PUS7: variants seen among roughly 807,000 people sequenced by gnomAD.
PUS7 encodes pseudouridine synthase 7.
Under a neutral mutation model 79.8 loss-of-function variants are expected in PUS7, and 48 were observed. The observed-to-expected ratio is 0.60, with a 90% CI of 0.48 to 0.76. The LOEUF (loss-of-function observed/expected upper bound fraction) is 0.76, where lower values mean the gene tolerates loss of function less well. Among genes scored for constraint, PUS7 ranks in the 30% least tolerant of loss-of-function variants. The probability of loss-of-function intolerance (pLI) is 0.00; values close to 1 mark genes in which losing one functional copy is unlikely to be tolerated. For synonymous variants in PUS7, 286 were observed against 272.2 expected (o/e 1.05, Z -0.50); for missense variants, 729 against 797.6 (o/e 0.91, Z 1.04).
chr7:105,459,095 C>CAA, intron 15 of PUS7, 73 bp downstream of exon 15: 1 of 972,664 alleles, frequency 1.0e-6, no homozygotes, highest in Non-Finnish European at 1.5e-6. Flanking sequence ...GAGCAGTTTT[C>CAA]AAAAAAAAAT....
intron 1 of PUS7, among the ~76,000 whole-genome samples, chr7:105,508,871 TAAAAAAAAAAAA>T (rs34249093): frequency 3.5e-4 from 8 of 22,888 alleles, no homozygotes; most frequent in Admixed American, 8.1e-4. Context: ...GACATTGTCT[TAAAAAAAAAAAA>T]AAAAAAAAAA....
rs1335299546 is a variant in PUS7, at chr7:105,495,263, A to G, written c.731-10T>C. On this transcript the variant is annotated splice_polypyrimidine_tract_variant and intron_variant, in intron 5 of 15. Coordinates refer to ENST00000469408, the MANE Select transcript of PUS7 (RefSeq NM_019042.5). ...GAATGTTTTCTTGGATCTTGAAAGC[A>G]AAAGAATTAACATTATATATACCAT... is the stretch of plus-strand genomic sequence containing the variant. 1 of 1,455,526 alleles carries G rather than the reference A, an allele frequency of 6.9e-7. No individual in the cohort carries two copies. The highest frequency in any genetic ancestry group is 9.6e-7 in the Non-Finnish European group (1 of 1,038,564). 90.2% of individuals were successfully genotyped at this position (1,455,526 alleles called of 1,614,324 possible). A position where few individuals can be genotyped will look rare whatever the true frequency, so the allele number is the denominator to read the frequency against.
At chr7:105,460,810 C>T (rs372236699) in intron 14 of PUS7, among the ~76,000 whole-genome samples, 36 of 146,784 alleles carry the variant, frequency 2.5e-4, no homozygotes, top group South Asian at 8.7e-4. Flanking sequence ...GCCGAGATCG[C>T]GCCACTGCAC....
rs1825451558 is a variant in PUS7, at chr7:105,506,230, T to C, written c.442A>G (p.Ile148Val). The change falls in exon 3 of 16, where the codon ATC becomes GTC. Residue 148 changes from isoleucine to valine, a missense_variant. Transcript: ENST00000469408. ...VVHEIGKDGR[I>V]SHLNDLSIPV... is the part of the protein sequence containing the mutation. Reference sequence around the variant, plus strand: ...ATGGACAAGTCATTCAAATGGCTGATCCGTCCATCTTTTCCTATTTCATGA... The same window carrying C: ...ATGGACAAGTCATTCAAATGGCTGACCCGTCCATCTTTTCCTATTTCATGA... 6.2e-7 allele frequency: 1 copy of C among 1,613,476 alleles called. No homozygotes were observed. Among genetic ancestry groups the C allele is most frequent in the Non-Finnish European group, 8.5e-7 (1 of 1,179,836 alleles).
At chr7:105,470,884 C>G in intron 10 of PUS7, 36 bp from the exon 11 acceptor site, 1 of 1,517,570 alleles carries the variant, frequency 6.6e-7, no homozygotes, top group Non-Finnish European at 8.9e-7. Context: ...AATGACTTAC[C>G]CAATAGACAG....
Position 105,468,436 on chromosome 7 carries a change from T to TATAC in PUS7, c.1422_1425dup (p.Ile476ValfsTer4). Reference sequence around the variant, plus strand: ...CACACATAGCTTTGGTAGCTATGAATATACATTAAGCGATTATTTCTGGGT... The same window carrying TATAC: ...CACACATAGCTTTGGTAGCTATGAATATACATACATTAAGCGATTATTTCTGGGT... On this transcript the variant is annotated frameshift_variant, in exon 12 of 16. Coordinates refer to ENST00000469408, the MANE Select transcript of PUS7 (RefSeq NM_019042.5). LOFTEE classifies it high-confidence loss of function. 1 of 1,610,600 alleles carries TATAC rather than the reference T, an allele frequency of 6.2e-7. No individual in the cohort carries two copies. The highest frequency in any genetic ancestry group is 2.2e-5 in the East Asian group (1 of 44,844).
chr7:105,482,999 A>G (rs1339706442), intron 7 of PUS7, among the ~76,000 whole-genome samples: 1 of 152,132 alleles, frequency 6.6e-6, no homozygotes, highest in African/African-American at 2.4e-5. Context: ...CATGTTATAT[A>G]TAGCTGGAAT....
rs537217807 is a variant in PUS7 at position 105,460,344 on chromosome 7, A to C, written c.1758-1085T>G. On this transcript the variant is annotated intron_variant, in intron 14 of 15. Transcript: ENST00000469408. ...TTTCTCCAGACTGGGTGCCACAACC[A>C]ACAACAGCTTGTTACTGAGAAGGAA... Among the ~76,000 whole-genome samples, 43 of 152,318 alleles carry C rather than the reference A, an allele frequency of 2.8e-4. 2 individuals are homozygous for C. In the South Asian group the frequency reaches 8.7e-3, roughly 31 times the overall value.
rs1824351452 is a variant in PUS7, at chr7:105,482,213, A to G, written c.1049+99T>C. The stretch of plus-strand genomic sequence containing the variant: ...CCCTTGCTGCCACTCCTGTTCTGTT[A>G]GTACCAGCTCACCAGGACCTTATGA... On this transcript the variant is annotated intron_variant, in intron 8 of 15. Coordinates refer to ENST00000469408, the MANE Select transcript of PUS7 (RefSeq NM_019042.5). The G allele has an allele frequency of 5.0e-6, 7 of 1,387,872 alleles. No homozygotes were observed. In the Admixed American group the frequency reaches 1.2e-4, roughly 24 times the overall value. The allele number at this position is 1,387,872 out of a possible 1,614,324, so 86.0% of individuals were successfully genotyped here.
chr7:105,514,163 G>A (rs1229919311), intron 1 of PUS7, among the ~76,000 whole-genome samples: 1 of 132,964 alleles, frequency 7.5e-6, no homozygotes, highest in African/African-American at 2.8e-5. Context: ...CCCAGGAGGC[G>A]GAGCTTGCGG....
At chr7:105,517,490 TA>T (rs1283362112) in intron 1 of PUS7, among the ~76,000 whole-genome samples, 1 of 152,228 alleles carries the variant, frequency 6.6e-6, no homozygotes, top group Non-Finnish European at 1.5e-5. Context: ...GAGGGAATGC[TA>T]AAATAATGTT....
intron 6 of PUS7, among the ~76,000 whole-genome samples, chr7:105,493,799 A>G (rs529583812): frequency 1.9e-3 from 290 of 152,364 alleles, no homozygotes; most frequent in South Asian, 5.8e-3. Flanking sequence ...GCTTCCGGAA[A>G]AAAAACAAAC....
At chr7:105,482,291 T>C (rs758254215) in intron 8 of PUS7, 21 bp downstream of exon 8, 2 of 1,610,446 alleles carry the variant, frequency 1.2e-6, no homozygotes, top group Admixed American at 1.7e-5. Context: ...CTGGTCTACA[T>C]TCCCACCTGC....
intron 7 of PUS7, among the ~76,000 whole-genome samples, chr7:105,488,736 G>A (rs1824654635): frequency 6.6e-6 from 1 of 152,164 alleles, no homozygotes; most frequent in South Asian, 2.1e-4. Flanking sequence ...CATAAGTATT[G>A]CTGTTTAAAA....
intron 7 of PUS7, among the ~76,000 whole-genome samples, chr7:105,483,643 C>T (rs1049786482): frequency 1.3e-5 from 2 of 151,658 alleles, no homozygotes; most frequent in African/African-American, 4.8e-5. Context: ...CAGGTACATG[C>T]CACCACACCT....
At chr7:105,513,344 T>G (rs1240852980) in intron 1 of PUS7, among the ~76,000 whole-genome samples, 2 of 152,138 alleles carry the variant, frequency 1.3e-5, no homozygotes, top group Non-Finnish European at 2.9e-5. Flanking sequence ...CTCCTCTCCT[T>G]ATGCAGAAAA....
chr7:105,491,544 G>T lies in PUS7; in HGVS notation c.916C>A (p.Leu306Ile). The T allele has an allele frequency of 6.3e-7, 1 of 1,577,962 alleles. No homozygotes were observed. Residue 306 changes from leucine to isoleucine, a missense_variant, in exon 7 of 16, where the codon CTC becomes ATC. Coordinates refer to ENST00000469408, the MANE Select transcript of PUS7 (RefSeq NM_019042.5). Reference protein sequence around the residue: ...RAITVQEIAVLKITAQRLAHL... With the variant: ...RAITVQEIAVIKITAQRLAHL... ...TGTTACGTGCTCTCTACTTACTTGA[G>T]AACAGCAATTTCTTGAACTGTTATA...
At chr7:105,482,281 C>G in intron 8 of PUS7, 31 bp downstream of exon 8, 1 of 1,606,998 alleles carries the variant, frequency 6.2e-7, no homozygotes, top group Non-Finnish European at 8.5e-7. Flanking sequence ...GCCAGACCCT[C>G]TGGTCTACAT....
At chr7:105,469,037 G>A (rs1191451894) in intron 11 of PUS7, among the ~76,000 whole-genome samples, 1 of 151,782 alleles carries the variant, frequency 6.6e-6, no homozygotes, top group African/African-American at 2.4e-5. Flanking sequence ...GAGTAGCTGT[G>A]ACTACAGGCG....
Sources: gnomAD v4.1 joint callset for allele counts (sites outside exome capture counted in the v4.1 genomes callset) on GRCh38, gnomAD v4.1.1 for gene constraint, MANE v1.5 for transcripts, NCBI Gene and HGNC (gene_info 2026-07-23, HGNC 2026-07-21) for gene names.